ARL6IP6: variants seen among roughly 807,000 people sequenced by gnomAD.
The protein encoded by ARL6IP6 is ADP-ribosylation factor-like protein 6-interacting protein 6.
In ARL6IP6, 22 loss-of-function variants were observed where a neutral mutation model predicts 21.5. The ratio of observed to expected loss-of-function variants is 1.02; its 90% confidence interval spans 0.73 to 1.46. ARL6IP6 has a LOEUF of 1.46. ARL6IP6 is among the 40% of genes most tolerant of loss of function. The pLI is 0.00. For missense variants in ARL6IP6, 388 were observed against 299.8 expected (o/e 1.29, Z -2.17); for synonymous variants, 164 against 125.3 (o/e 1.31, Z -2.06).
intron 2 of ARL6IP6, among the ~76,000 whole-genome samples, chr2:152,732,784 A>C (rs1432713573): frequency 6.6e-6 from 1 of 152,116 alleles, no homozygotes; most frequent in Non-Finnish European, 1.5e-5. Flanking sequence ...ACCTATGCAC[A>C]TCCTCCCATT....
intron 2 of ARL6IP6, among the ~76,000 whole-genome samples, chr2:152,730,504 C>T (rs1700257287): frequency 6.6e-6 from 1 of 152,088 alleles, no homozygotes; most frequent in Admixed American, 6.5e-5. Context: ...AGTATAGCAA[C>T]CCCTAAGTTG....
chr2:152,725,019 A>C (rs999770537), intron 2 of ARL6IP6, among the ~76,000 whole-genome samples: 1 of 152,180 alleles, frequency 6.6e-6, no homozygotes, highest in East Asian at 1.9e-4. Context: ...GTCAGTGTAC[A>C]CTGTACAATC....
intron 2 of ARL6IP6, among the ~76,000 whole-genome samples, chr2:152,734,153 C>T (rs1483634817): frequency 1.3e-5 from 2 of 152,090 alleles, no homozygotes; most frequent in African/African-American, 4.8e-5. Context: ...TTTCTTTTCC[C>T]TTTATGCCTC....
intron 3 of ARL6IP6, among the ~76,000 whole-genome samples, chr2:152,753,699 CTT>C (rs138584533): frequency 0.9 from 96,445 of 107,288 alleles, 43,678 homozygotes; most frequent in East Asian, 0.97. Flanking sequence ...TTCAGGTCCT[CTT>C]TTTTTTTTTT....
rs1316891348 is a variant in ARL6IP6 at position 152,760,263 on chromosome 2, T to G, written c.*423T>G. The G allele has an allele frequency of 6.5e-6, 1 of 152,938 alleles. No individual in the cohort carries two copies. The highest frequency in any genetic ancestry group is 1.5e-5 in the Non-Finnish European group (1 of 68,464). The allele number at this position is 152,938 out of a possible 1,614,324, so 9.5% of individuals were successfully genotyped here. ...TAGTTGAGCTAGAAATACTTCTTAT[T>G]TATACATTTAGGAAAGCAAATAATG... On this transcript the variant is annotated 3_prime_UTR_variant, in exon 4 of 4. Coordinates refer to ENST00000326446, the MANE Select transcript of ARL6IP6 (RefSeq NM_152522.7).
At chr2:152,747,116 C>T (rs1036527432) in intron 3 of ARL6IP6, among the ~76,000 whole-genome samples, 56 of 152,120 alleles carry the variant, frequency 3.7e-4, no homozygotes, top group African/African-American at 1.3e-3. Flanking sequence ...AGGCGTGAGC[C>T]ACCACGCCCA....
At chr2:152,747,376 G>A (rs79713885) in intron 3 of ARL6IP6, among the ~76,000 whole-genome samples, 1,665 of 152,132 alleles carry the variant, frequency 0.011, 27 homozygotes, top group African/African-American at 0.038. Flanking sequence ...ATACTGTTAG[G>A]TGTTTAGAAC....
intron 3 of ARL6IP6, among the ~76,000 whole-genome samples, chr2:152,740,293 T>G (rs758348747): frequency 1.3e-5 from 2 of 152,074 alleles, no homozygotes; most frequent in Non-Finnish European, 2.9e-5. Context: ...AGAGACAGGA[T>G]TTTGCCATGT....
rs67760283 is a variant in ARL6IP6 at position 152,746,001 on chromosome 2, C to CTTT, written c.587+10906_587+10908dup. The stretch of plus-strand genomic sequence containing the variant: ...CAGCTAATGAGTGCTTGCTTTGTAC[C>CTTT]TTTTTTTTTTTTTTTTTTTTTTTTT... On this transcript the variant is annotated intron_variant, in intron 3 of 3. Coordinates refer to ENST00000326446, the MANE Select transcript of ARL6IP6 (RefSeq NM_152522.7). Among the ~76,000 whole-genome samples the CTTT allele has an allele frequency of 3.8e-3, 251 of 66,360 alleles. 24 individuals are homozygous for CTTT. The highest frequency in any genetic ancestry group is 0.021 in the African/African-American group (207 of 9,846). 43.5% of individuals were successfully genotyped at this position (66,360 alleles called of 152,430 possible).
chr2:152,729,205 A>G (rs919464812), intron 2 of ARL6IP6, among the ~76,000 whole-genome samples: 4 of 152,158 alleles, frequency 2.6e-5, no homozygotes, highest in Admixed American at 6.5e-5. Context: ...CCCTGTGTCT[A>G]CTAAAAATAC....
chr2:152,760,467 G>T lies in ARL6IP6; in HGVS notation c.*627G>T, dbSNP rs1208619340. The stretch of plus-strand genomic sequence containing the variant: ...TATGTTTTTAAAATTGTTACATCTA[G>T]ACAACTGTAAACATTATTTTTTTAG... On this transcript the variant is annotated 3_prime_UTR_variant, in exon 4 of 4. Transcript: ENST00000326446. The T allele has an allele frequency of 6.6e-6, 1 of 150,952 alleles. No homozygotes were observed. Among genetic ancestry groups the T allele is most frequent in the Non-Finnish European group, 1.5e-5 (1 of 67,750 alleles). The allele number at this position is 150,952 out of a possible 1,614,324, so 9.4% of individuals were successfully genotyped here.
At chr2:152,757,477 T>A (rs978472791) in intron 3 of ARL6IP6, among the ~76,000 whole-genome samples, 1 of 152,188 alleles carries the variant, frequency 6.6e-6, no homozygotes, top group Non-Finnish European at 1.5e-5. Context: ...ACTCATTAAT[T>A]GAAGATAATA....
intron 3 of ARL6IP6, among the ~76,000 whole-genome samples, chr2:152,757,125 C>T (rs565844669): frequency 4.6e-5 from 7 of 152,214 alleles, no homozygotes; most frequent in East Asian, 1.9e-4. Context: ...AGAAGGCAGA[C>T]GCAGAAAAAT....
chr2:152,753,338 A>G (rs1360814052), intron 3 of ARL6IP6, among the ~76,000 whole-genome samples: 1 of 152,194 alleles, frequency 6.6e-6, no homozygotes. Flanking sequence ...AAAATGCCTT[A>G]TTGGTAAAAC....
intron 1 of ARL6IP6, among the ~76,000 whole-genome samples, chr2:152,719,729 T>G (rs1699640779): frequency 6.8e-6 from 1 of 147,558 alleles, no homozygotes; most frequent in African/African-American, 2.5e-5. Context: ...CTCACTAGTT[T>G]GTGACCTTTG....
chr2:152,718,697 C>T lies in ARL6IP6; in HGVS notation c.73C>T (p.Arg25Trp), dbSNP rs551332888. The change falls in exon 1 of 4, where the codon CGG becomes TGG. Residue 25 changes from arginine to tryptophan, a missense_variant. Arg to Trp is a moderately radical substitution (Grantham distance 101, BLOSUM62 -3). Transcript: ENST00000326446. ...RGPGTPGPVA[R>W]PSYSSFTQGD... ...TCCCGGCACCCCGGGCCCTGTGGCT[C>T]GGCCATCGTATTCCTCCTTTACTCA... The T allele has an allele frequency of 1.4e-5, 23 of 1,596,188 alleles. No individual in the cohort carries two copies. In the African/African-American group the frequency reaches 2.3e-4, roughly 16 times the overall value.
At chr2:152,734,358 A>T (rs1315991125) in intron 2 of ARL6IP6, among the ~76,000 whole-genome samples, 1 of 148,532 alleles carries the variant, frequency 6.7e-6, no homozygotes, top group South Asian at 2.2e-4. Flanking sequence ...GTTCATAAGA[A>T]AACTGTAAAG....
chr2:152,749,314 A>AACACACACACACACACAC (rs3080693), intron 3 of ARL6IP6, among the ~76,000 whole-genome samples: 2 of 150,120 alleles, frequency 1.3e-5, no homozygotes, highest in Non-Finnish European at 3.0e-5. Flanking sequence ...CACACACAAA[A>AACACACACACACACACAC]ACACACACAC....
chr2:152,752,184 C>T (rs186870279), intron 3 of ARL6IP6, among the ~76,000 whole-genome samples: 94 of 152,280 alleles, frequency 6.2e-4, no homozygotes, highest in African/African-American at 2.1e-3. Flanking sequence ...TCTATTCAGT[C>T]TTTTCAAACC....
Sources: allele counts gnomAD v4.1 joint callset (sites outside exome capture counted in the v4.1 genomes callset), GRCh38; gene constraint gnomAD v4.1.1; transcripts MANE v1.5; gene names NCBI Gene and HGNC (gene_info 2026-07-23, HGNC 2026-07-21).